The following MTG1 variants were observed in gnomAD, a reference collection of about 807,000 sequenced individuals.
The protein encoded by MTG1 is mitochondrial ribosome associated GTPase 1.
Under a neutral mutation model 39.5 loss-of-function variants are expected in MTG1, and 30 were observed. The ratio of observed to expected loss-of-function variants is 0.76; its 90% confidence interval spans 0.57 to 1.03. MTG1 has a LOEUF of 1.03. Ranked by LOEUF, MTG1 falls within the 50% of genes least tolerant of loss-of-function variation. The probability of loss-of-function intolerance (pLI) is 0.00; values close to 1 mark genes in which losing one functional copy is unlikely to be tolerated. For synonymous variants in MTG1, 217 were observed against 179.0 expected (o/e 1.21, Z -1.69); for missense variants, 513 against 447.4 (o/e 1.15, Z -1.32).
chr10:133,414,409 C>T (rs909193671), intron 9 of MTG1, among the ~76,000 whole-genome samples: 21 of 152,378 alleles, frequency 1.4e-4, no homozygotes, highest in Non-Finnish European at 2.6e-4. Context: ...TCATCATGGC[C>T]TGTTCTCAAT....
At position 133,419,592 on chromosome 10, in the gene MTG1, G is replaced by T. The variant is rs1025401279; in HGVS notation, c.865G>T (p.Gly289Cys). Residue 289 changes from glycine (G) to cysteine (C), a missense_variant and splice_region_variant, in exon 10 of 11, where the codon GGT (glycine) becomes TGT (cysteine). Coordinates refer to ENST00000317502, the MANE Select transcript of MTG1 (RefSeq NM_138384.4). ...TQKVKVLTGT[G>C]NVNIIQPNYP... ...GAAGGTGAAGGTGCTCACGGGCACGGGTGAGTGAGGTCGCTGATGCGGGCA... is the reference window on the plus strand; with the variant it reads ...GAAGGTGAAGGTGCTCACGGGCACGTGTGAGTGAGGTCGCTGATGCGGGCA... 2.1e-5 allele frequency: 34 copies of T among 1,596,212 alleles called. No homozygotes were observed. Among genetic ancestry groups the T allele is most frequent in the Non-Finnish European group, 2.7e-5 (32 of 1,171,838 alleles).
chr10:133,403,024 G>A (rs1028522319), intron 9 of MTG1, among the ~76,000 whole-genome samples: 2 of 147,180 alleles, frequency 1.4e-5, no homozygotes, highest in African/African-American at 2.5e-5. Flanking sequence ...TCAAGGAAAC[G>A]AGCGTTCCCG....
In MTG1 at chr10:133,402,476, C is replaced by T. The variant is rs960659902; in HGVS notation, c.671-216C>T. 5 of 687,160 alleles carry T rather than the reference C, an allele frequency of 7.3e-6. No individual in the cohort carries two copies. Among genetic ancestry groups the T allele is most frequent in the Non-Finnish European group, 7.4e-6 (3 of 407,580 alleles). The allele number at this position is 687,160 out of a possible 1,614,324, so 42.6% of individuals were successfully genotyped here. ...AGTGGCCTTCCCTTTCCCCATTTGA[C>T]GGACCAGGGCAGAGAGGTTGGTCGC... On this transcript the variant is annotated intron_variant, in intron 8 of 10. Transcript: ENST00000317502. The surrounding 1 kb of genome is among the most constrained non-coding windows in gnomAD (Gnocchi z 4.7).
Position 133,421,839 on chromosome 10 carries a change from T to C in MTG1, c.*1674T>C. The C allele has an allele frequency of 6.7e-6, 1 of 148,640 alleles. No homozygotes were observed. Among genetic ancestry groups the C allele is most frequent in the Non-Finnish European group, 1.5e-5 (1 of 67,652 alleles). The allele number at this position is 148,640 out of a possible 1,614,324, so 9.2% of individuals were successfully genotyped here. A position where few individuals can be genotyped will look rare whatever the true frequency, so the allele number is the denominator to read the frequency against. The stretch of plus-strand genomic sequence containing the variant: ...TCCCGAGGCTCAGGCCCAGGAGGGA[T>C]GCAGTCCGGCTGAGGGCGAGGCTGT... On this transcript the variant is annotated 3_prime_UTR_variant, in exon 11 of 11. Transcript: ENST00000317502.
chr10:133,395,742 C>T lies in MTG1; in HGVS notation c.142C>T (p.Leu48=), dbSNP rs750021542. The T allele has an allele frequency of 2.4e-5, 38 of 1,614,036 alleles. No individual in the cohort carries two copies. The South Asian group carries it at 2.5e-4, about 11-fold the overall frequency. The change falls in exon 2 of 11, where the codon CTG becomes TTG. Residue 48 remains leucine, a synonymous_variant. Transcript: ENST00000317502. ...GLKKMQSSLK[L]VDCIIEVHDA... The stretch of plus-strand genomic sequence containing the variant: ...GAAGAAGATGCAGAGCAGCCTGAAG[C>T]TGGTGGACTGTATCATCGAGGTCCA...
In MTG1 at chr10:133,401,534, G is replaced by C. The variant is rs1445583588; in HGVS notation, c.517G>C (p.Ala173Pro). ...LRRQHLRKGK[A>P]TRVGGEPGIT... ...CTTTTCTCCTTTTCCTACAGGGAAA[G>C]CCACCAGGGTGGGTGGCGAGCCTGG... Residue 173 changes from alanine to proline, a missense_variant, in exon 7 of 11, where the codon GCC becomes CCC. By Grantham distance (27) the Ala-to-Pro change is conservative. Transcript: ENST00000317502. 1 of 1,573,240 alleles carries C rather than the reference G, an allele frequency of 6.4e-7. No homozygotes were observed.
rs201755637 is a variant in MTG1 at position 133,402,682 on chromosome 10, G to A, written c.671-10G>A. On this transcript the variant is annotated splice_polypyrimidine_tract_variant and intron_variant, in intron 8 of 10. Transcript: ENST00000317502. This position sits in a 1 kb window ranked among gnomAD's most constrained non-coding sequence, Gnocchi z 4.7. Reference sequence around the variant, plus strand: ...GTTTCCAGTGCTCACCTCGGCTGCTGCTTCCACAGGAACGGTGCTGGACCA... The same window carrying A: ...GTTTCCAGTGCTCACCTCGGCTGCTACTTCCACAGGAACGGTGCTGGACCA... 1.3e-6 allele frequency: 2 copies of A among 1,598,630 alleles called. No homozygotes were observed. The highest frequency in any genetic ancestry group is 8.5e-7 in the Non-Finnish European group (1 of 1,172,912).
rs140552876 is a variant in MTG1 at position 133,419,118 on chromosome 10, T to C, written c.753-362T>C. Among the ~76,000 whole-genome samples, 635 of 152,348 alleles carry C rather than the reference T, an allele frequency of 4.2e-3. 7 individuals carry two copies. The highest frequency in any genetic ancestry group is 0.014 in the African/African-American group (579 of 41,580). On this transcript the variant is annotated intron_variant, in intron 9 of 10. Coordinates refer to ENST00000317502, the MANE Select transcript of MTG1 (RefSeq NM_138384.4). ...TGCTCCTCTTTTAGTTTCCAGGACC[T>C]GGGCCTGCACAGAGGCCTGCCTGTC...
chr10:133,401,695 C>T (rs777602503), intron 7 of MTG1, 105 bp downstream of exon 7: 2 of 1,095,636 alleles, frequency 1.8e-6, no homozygotes, highest in South Asian at 1.3e-5. Flanking sequence ...CGCTTCCCTC[C>T]CCTCCACTCA....
Position 133,419,423 on chromosome 10 carries a change from C to T in MTG1, c.753-57C>T, listed in dbSNP as rs900950965. Reference sequence around the variant, plus strand: ...ATTCAGGAGGAAGGGCCCGGCCTGGCTGGCCGCGCGGTGTCAGTGCTGGGC... The same window carrying T: ...ATTCAGGAGGAAGGGCCCGGCCTGGTTGGCCGCGCGGTGTCAGTGCTGGGC... On this transcript the variant is annotated intron_variant, in intron 9 of 10. Transcript: ENST00000317502. The T allele has an allele frequency of 8.8e-5, 129 of 1,464,402 alleles. 1 individual carries two copies. In the African/African-American group the frequency reaches 1.4e-3, roughly 16 times the overall value. The allele number at this position is 1,464,402 out of a possible 1,614,324, so 90.7% of individuals were successfully genotyped here. A position where few individuals can be genotyped will look rare whatever the true frequency, so the allele number is the denominator to read the frequency against.
In MTG1 at chr10:133,402,859, C is replaced by G; in HGVS notation, c.752+86C>G. On this transcript the variant is annotated intron_variant, in intron 9 of 10. Transcript: ENST00000317502. The surrounding 1 kb of genome is among the most constrained non-coding windows in gnomAD (Gnocchi z 4.7). ...AAAAAACAAACAAAAAAACCCCCAG[C>G]ATTATAAAGGTATTATAAACACGGT... The G allele has an allele frequency of 9.6e-7, 1 of 1,043,822 alleles. No individual in the cohort carries two copies. The highest frequency in any genetic ancestry group is 1.4e-6 in the Non-Finnish European group (1 of 718,856). The allele number at this position is 1,043,822 out of a possible 1,614,324, so 64.7% of individuals were successfully genotyped here.
intron 9 of MTG1, among the ~76,000 whole-genome samples, chr10:133,407,423 A>G (rs980954516): frequency 6.6e-6 from 1 of 152,132 alleles, no homozygotes; most frequent in East Asian, 1.9e-4. Flanking sequence ...TAAGCATGGA[A>G]TATCTTTCCA....
chr10:133,407,039 C>T (rs1849979122), intron 9 of MTG1, among the ~76,000 whole-genome samples: 1 of 93,716 alleles, frequency 1.1e-5, no homozygotes, highest in Non-Finnish European at 2.9e-5. Context: ...TAACCAGCAC[C>T]CTTTTATGGG....
chr10:133,415,234 CT>C (rs1850107368), intron 9 of MTG1, among the ~76,000 whole-genome samples: 1 of 152,094 alleles, frequency 6.6e-6, no homozygotes, highest in African/African-American at 2.4e-5. Flanking sequence ...GCGGGCGCCC[CT>C]GTTTTTTCAT....
intron 1 of MTG1, chr10:133,394,777 C>T (rs530166660): frequency 5.1e-6 from 5 of 973,140 alleles, no homozygotes; most frequent in African/African-American, 1.7e-5. Context: ...AGTCGTTCTC[C>T]TGCTTAACGT....
intron 9 of MTG1, among the ~76,000 whole-genome samples, chr10:133,408,737 C>T (rs1850004563): frequency 2.0e-5 from 3 of 152,166 alleles, no homozygotes; most frequent in African/African-American, 4.8e-5. Flanking sequence ...TATTATCGAT[C>T]TGTTCAAGTT....
At chr10:133,419,430 C>T (rs2243619) in intron 9 of MTG1, 50 bp from the exon 10 acceptor site, 975,424 of 1,493,220 alleles carry the variant, frequency 0.65, 324,108 homozygotes, top group Non-Finnish European at 0.69. Flanking sequence ...TGGCTGGCCG[C>T]GCGGTGTCAG....
chr10:133,401,654 C>T (rs1490664772), intron 7 of MTG1, 64 bp downstream of exon 7: 23 of 1,513,558 alleles, frequency 1.5e-5, no homozygotes, highest in East Asian at 2.3e-5. Context: ...TGGCACCTGC[C>T]GACCTCTGTG....
intron 9 of MTG1, among the ~76,000 whole-genome samples, chr10:133,405,240 ACT>A (rs768017950): frequency 7.2e-5 from 11 of 152,018 alleles, no homozygotes; most frequent in Non-Finnish European, 1.0e-4. Flanking sequence ...TTTATATTGA[ACT>A]CTTTTTTAAA....
Sources: gnomAD v4.1 joint callset for allele counts (sites outside exome capture counted in the v4.1 genomes callset) on GRCh38, gnomAD v4.1.1 for gene constraint, Gnocchi (gnomAD v3.1) non-coding constraint, MANE v1.5 for transcripts, NCBI Gene and HGNC (gene_info 2026-07-23, HGNC 2026-07-21) for gene names.